The following CHCHD6 variants were observed in gnomAD, a reference collection of about 807,000 sequenced individuals.
CHCHD6 encodes the protein coiled-coil-helix-coiled-coil-helix domain containing 6.
CHCHD6 carries 28 observed loss-of-function variants against 32.3 expected under a neutral mutation model. That is an observed-to-expected ratio of 0.87 (90% CI 0.64 to 1.19). CHCHD6 has a LOEUF of 1.19. Among genes scored for constraint, CHCHD6 ranks in the 50% most tolerant of loss-of-function variants. The probability of loss-of-function intolerance (pLI) is 0.00; values close to 1 mark genes in which losing one functional copy is unlikely to be tolerated. For missense variants in CHCHD6, 333 were observed against 307.0 expected, an observed-to-expected ratio of 1.08 and a Z score of -0.63; for synonymous variants, 122 against 117.5, an observed-to-expected ratio of 1.04 and a Z score of -0.25.
At chr3:126,858,236 C>T (rs1028398590) in intron 5 of CHCHD6, among the ~76,000 whole-genome samples, 1 of 143,270 alleles carries the variant, frequency 7.0e-6, no homozygotes, top group Non-Finnish European at 1.5e-5. Context: ...ATGGTGTTAG[C>T]AACTGGGATA....
chr3:126,857,853 G>A (rs1941713719), intron 5 of CHCHD6, among the ~76,000 whole-genome samples: 1 of 152,226 alleles, frequency 6.6e-6, no homozygotes, highest in African/African-American at 2.4e-5. Context: ...CACCATTGGT[G>A]GAGTGTAAGT....
intron 4 of CHCHD6, among the ~76,000 whole-genome samples, chr3:126,742,754 C>T (rs1308382685): frequency 6.6e-6 from 1 of 152,162 alleles, no homozygotes; most frequent in African/African-American, 2.4e-5. Flanking sequence ...CAAGAAGGTT[C>T]CCATCAGGTG....
intron 5 of CHCHD6, among the ~76,000 whole-genome samples, chr3:126,853,360 G>T (rs1245265218): frequency 9.2e-5 from 14 of 151,870 alleles, no homozygotes; most frequent in Non-Finnish European, 1.2e-4. Context: ...TCAAAGAAAT[G>T]GCTTAAAATG....
At chr3:126,919,621 ATTTTTTT>A (rs35228420) in intron 6 of CHCHD6, among the ~76,000 whole-genome samples, 2 of 127,216 alleles carry the variant, frequency 1.6e-5, no homozygotes, top group African/African-American at 6.0e-5. Flanking sequence ...GCTGGCCTTC[ATTTTTTT>A]TTTTTTTTTT....
chr3:126,933,599 C>A (rs924108618), intron 6 of CHCHD6, among the ~76,000 whole-genome samples: 1 of 152,106 alleles, frequency 6.6e-6, no homozygotes, highest in Non-Finnish European at 1.5e-5. Flanking sequence ...ATGCCAGGCT[C>A]TTTTAAATAA....
chr3:126,847,365 C>T (rs1268971173), intron 4 of CHCHD6, among the ~76,000 whole-genome samples: 2 of 152,166 alleles, frequency 1.3e-5, no homozygotes, highest in African/African-American at 4.8e-5. Flanking sequence ...AGTGGCCACC[C>T]TCAGTGTCTT....
intron 6 of CHCHD6, among the ~76,000 whole-genome samples, chr3:126,940,557 G>T (rs953128323): frequency 6.6e-6 from 1 of 152,040 alleles, no homozygotes; most frequent in Non-Finnish European, 1.5e-5. Context: ...CTTCTAGAGG[G>T]AGTTTCTGGG....
chr3:126,844,933 G>A (rs1051166744), intron 4 of CHCHD6, among the ~76,000 whole-genome samples: 7 of 152,112 alleles, frequency 4.6e-5, no homozygotes, highest in Non-Finnish European at 8.8e-5. Flanking sequence ...GGGGGTAGCC[G>A]CTAGCTAGAA....
chr3:126,729,549 G>A (rs1935687590), intron 2 of CHCHD6, among the ~76,000 whole-genome samples: 1 of 152,140 alleles, frequency 6.6e-6, no homozygotes, highest in African/African-American at 2.4e-5. Context: ...AATAAGCATG[G>A]CGAGCACTAG....
At position 126,852,689 on chromosome 3, in the gene CHCHD6, GACACCTTCT is replaced by G; in HGVS notation, c.458_466del (p.Thr153_Tyr155del). On this transcript the variant is annotated inframe_deletion, in exon 5 of 8. Transcript: ENST00000290913. ...CAGAGAGGCAGAGCTAAGACGCCGTGACACCTTCTACAAGGAGCAGCTGGAGCGTATTGA... is the reference window on the plus strand; with the variant it reads ...CAGAGAGGCAGAGCTAAGACGCCGTGACAAGGAGCAGCTGGAGCGTATTGA... The G allele has an allele frequency of 6.2e-7, 1 of 1,613,854 alleles. No individual in the cohort carries two copies. Among genetic ancestry groups the G allele is most frequent in the Non-Finnish European group, 8.5e-7 (1 of 1,179,884 alleles).
chr3:126,763,542 T>C (rs1255900172), intron 4 of CHCHD6, among the ~76,000 whole-genome samples: 2 of 152,198 alleles, frequency 1.3e-5, no homozygotes, highest in South Asian at 2.1e-4. Flanking sequence ...GGTCTTGTTA[T>C]GTTGTCCAGG....
At chr3:126,865,143 A>ACTTCTTCCTCCTCCT (rs1942238116) in intron 5 of CHCHD6, among the ~76,000 whole-genome samples, 1 of 28,430 alleles carries the variant, frequency 3.5e-5, no homozygotes, top group Admixed American at 3.9e-4. Flanking sequence ...CTCCACCACC[A>ACTTCTTCCTCCTCCT]CCTCCTTTTC....
chr3:126,868,759 C>T (rs1576530198), intron 5 of CHCHD6, among the ~76,000 whole-genome samples: 2 of 152,202 alleles, frequency 1.3e-5, no homozygotes, highest in Non-Finnish European at 2.9e-5. Context: ...ATTTGCTCCA[C>T]CTAAGTTACT....
chr3:126,913,268 C>T (rs1340997058), intron 5 of CHCHD6, among the ~76,000 whole-genome samples: 2 of 112,220 alleles, frequency 1.8e-5, no homozygotes, highest in Non-Finnish European at 3.4e-5. Flanking sequence ...TCACTTTTGT[C>T]GCCCAGGCTG....
intron 4 of CHCHD6, among the ~76,000 whole-genome samples, chr3:126,763,912 G>A (rs911456807): frequency 6.6e-6 from 1 of 151,994 alleles, no homozygotes; most frequent in Non-Finnish European, 1.5e-5. Flanking sequence ...TCAGCATTTT[G>A]GATGTACATA....
chr3:126,753,671 G>A (rs1233204935), intron 4 of CHCHD6, among the ~76,000 whole-genome samples: 1 of 152,248 alleles, frequency 6.6e-6, no homozygotes, highest in Non-Finnish European at 1.5e-5. Context: ...TCTCTCTGGT[G>A]TACAGGCGCA....
chr3:126,935,598 C>G (rs772369836), intron 6 of CHCHD6, among the ~76,000 whole-genome samples: 1 of 152,206 alleles, frequency 6.6e-6, no homozygotes, highest in Non-Finnish European at 1.5e-5. Context: ...CAGCTCAAAA[C>G]CGTGTGCGGC....
intron 5 of CHCHD6, among the ~76,000 whole-genome samples, chr3:126,866,567 A>G (rs1291197541): frequency 2.6e-5 from 4 of 152,328 alleles, no homozygotes; most frequent in South Asian, 2.1e-4. Context: ...TTGCTGCCCA[A>G]AGGCCTTGGC....
At chr3:126,855,727 C>A (rs1172982302) in intron 5 of CHCHD6, among the ~76,000 whole-genome samples, 1 of 152,120 alleles carries the variant, frequency 6.6e-6, no homozygotes, top group African/African-American at 2.4e-5. Context: ...CAGAACAAGG[C>A]CTTTGTCCAT....
Sources: gnomAD v4.1 joint callset for allele counts (sites outside exome capture counted in the v4.1 genomes callset) on GRCh38, gnomAD v4.1.1 for gene constraint, MANE v1.5 for transcripts, NCBI Gene and HGNC (gene_info 2026-07-23, HGNC 2026-07-21) for gene names.